The following NELL2 variants were observed in gnomAD, a reference collection of about 807,000 sequenced individuals.
NELL2 encodes the protein neural EGFL like 2.
Under a neutral mutation model 109.6 loss-of-function variants are expected in NELL2, and 41 were observed. That is an observed-to-expected ratio of 0.37 (90% CI 0.29 to 0.49). The LOEUF (loss-of-function observed/expected upper bound fraction) is 0.49. Ranked by LOEUF, NELL2 falls within the 20% of genes least tolerant of loss-of-function variation. The pLI is 0.98. For missense variants in NELL2, 900 were observed against 1,008.3 expected (o/e 0.89, Z 1.45); for synonymous variants, 355 against 344.7 (o/e 1.03, Z -0.33).
In NELL2 at chr12:44,798,859, T is replaced by C. The variant is rs370183258; in HGVS notation, c.335+17127A>G. The stretch of plus-strand genomic sequence containing the variant: ...ATTATAGCAAAGGCATTTTAATGCA[T>C]AGAGAAAAAAACAGCTGTTTAAAAA... On this transcript the variant is annotated intron_variant, in intron 3 of 19. Coordinates refer to ENST00000429094, the MANE Select transcript of NELL2 (RefSeq NM_001145108.2). 4.7e-5 allele frequency among the ~76,000 whole-genome samples: 7 copies of C among 148,242 alleles called. No individual in the cohort carries two copies. In the East Asian group the frequency reaches 9.9e-4, roughly 21 times the overall value.
At chr12:44,793,309 T>C (rs1346207471) in intron 3 of NELL2, among the ~76,000 whole-genome samples, 1 of 152,192 alleles carries the variant, frequency 6.6e-6, no homozygotes, top group African/African-American at 2.4e-5. Flanking sequence ...AGAGAGTCCC[T>C]TTTATCTTCT....
intron 1 of NELL2, among the ~76,000 whole-genome samples, chr12:44,900,743 C>G (rs957132278): frequency 6.6e-6 from 1 of 151,894 alleles, no homozygotes; most frequent in Non-Finnish European, 1.5e-5. Flanking sequence ...AGCTAGCAAA[C>G]ACTTTGGGAG....
intron 2 of NELL2, among the ~76,000 whole-genome samples, chr12:44,820,093 T>A (rs1212376703): frequency 6.6e-6 from 1 of 152,066 alleles, no homozygotes; most frequent in East Asian, 1.9e-4. Context: ...ATAGAGGAAG[T>A]TTAAGTCATG....
At chr12:44,904,073 A>T (rs1216093068) in intron 1 of NELL2, among the ~76,000 whole-genome samples, 1 of 151,994 alleles carries the variant, frequency 6.6e-6, no homozygotes, top group Non-Finnish European at 1.5e-5. Flanking sequence ...AAAAAAACTT[A>T]GAATCTTTAA....
At chr12:44,721,426 T>G (rs1347186174) in intron 9 of NELL2, among the ~76,000 whole-genome samples, 3 of 152,152 alleles carry the variant, frequency 2.0e-5, no homozygotes, top group Non-Finnish European at 4.4e-5. Context: ...TGGACACACA[T>G]GAAGAAAGGT....
At chr12:44,903,785 G>C (rs1276347412) in intron 1 of NELL2, among the ~76,000 whole-genome samples, 1 of 151,580 alleles carries the variant, frequency 6.6e-6, no homozygotes, top group Non-Finnish European at 1.5e-5. Flanking sequence ...AACTAACACA[G>C]GAACAGATAA....
chr12:44,841,311 A>G (rs1447560668), intron 2 of NELL2, among the ~76,000 whole-genome samples: 1 of 152,212 alleles, frequency 6.6e-6, no homozygotes, highest in African/African-American at 2.4e-5. Flanking sequence ...TATAGATTAA[A>G]TCCTTAAATA....
intron 13 of NELL2, among the ~76,000 whole-genome samples, chr12:44,634,074 A>C (rs1165049647): frequency 6.6e-6 from 1 of 152,192 alleles, no homozygotes; most frequent in Non-Finnish European, 1.5e-5. Flanking sequence ...GAACTACTTT[A>C]AGAAAATGTA....
intron 12 of NELL2, among the ~76,000 whole-genome samples, chr12:44,675,969 G>A (rs762162516): frequency 1.3e-5 from 2 of 152,086 alleles, no homozygotes; most frequent in African/African-American, 2.4e-5. Context: ...TACCTAGGAT[G>A]TCACTGGTGC....
At chr12:44,834,436 C>CT (rs36048159) in intron 2 of NELL2, among the ~76,000 whole-genome samples, 3,415 of 131,504 alleles carry the variant, frequency 0.026, 56 homozygotes, top group African/African-American at 0.043. Flanking sequence ...CACACGCATT[C>CT]TTTTTTTTTT....
intron 9 of NELL2, among the ~76,000 whole-genome samples, chr12:44,745,258 T>C (rs1396776646): frequency 6.6e-6 from 1 of 152,104 alleles, no homozygotes; most frequent in African/African-American, 2.4e-5. Context: ...ACAACCTTCA[T>C]GCTAAAAACT....
Position 44,703,801 on chromosome 12 carries a change from T to A in NELL2, c.1243A>T (p.Asn415Tyr). ...CTACAAACAGCCCTGTCATTCAGAT[T>A]TCTGCAGATGGAATTCTCCATGCAG... ...HNCMENSICR[N>Y]LNDRAVCSCR... The change falls in exon 12 of 20, where the codon AAT becomes TAT. Residue 415 changes from asparagine to tyrosine, a missense_variant. Transcript: ENST00000429094. 6.2e-7 allele frequency: 1 copy of A among 1,613,640 alleles called. No individual in the cohort carries two copies. The highest frequency in any genetic ancestry group is 8.5e-7 in the Non-Finnish European group (1 of 1,179,690).
intron 10 of NELL2, 76 bp downstream of exon 10, chr12:44,714,574 G>A: frequency 3.8e-6 from 3 of 797,784 alleles, no homozygotes; most frequent in South Asian, 3.7e-5. Context: ...GTATTTCAAG[G>A]TTGAGCTAGT....
intron 13 of NELL2, among the ~76,000 whole-genome samples, chr12:44,650,690 AG>A (rs1316517617): frequency 6.6e-6 from 1 of 152,114 alleles, no homozygotes; most frequent in Non-Finnish European, 1.5e-5. Context: ...TAAAGATATA[AG>A]GGTGGGGCGC....
At chr12:44,755,275 A>C (rs1182878827) in intron 9 of NELL2, among the ~76,000 whole-genome samples, 2 of 152,198 alleles carry the variant, frequency 1.3e-5, no homozygotes, top group African/African-American at 4.8e-5. Flanking sequence ...TGTACTTCAG[A>C]GTCAGAAGGT....
chr12:44,859,317 G>A (rs765989915), intron 2 of NELL2, among the ~76,000 whole-genome samples: 4 of 152,124 alleles, frequency 2.6e-5, no homozygotes, highest in Non-Finnish European at 4.4e-5. Context: ...CGAGGCAGGC[G>A]GATCACCTGA....
At chr12:44,671,086 A>C (rs1476394857) in intron 12 of NELL2, among the ~76,000 whole-genome samples, 1 of 152,216 alleles carries the variant, frequency 6.6e-6, no homozygotes, top group Non-Finnish European at 1.5e-5. Flanking sequence ...AACCATATCA[A>C]GTGTCTGCTC....
At chr12:44,785,861 CT>C (rs1942146182) in intron 3 of NELL2, among the ~76,000 whole-genome samples, 1 of 152,144 alleles carries the variant, frequency 6.6e-6, no homozygotes, top group East Asian at 1.9e-4. Context: ...TTCCTTACAC[CT>C]TATGCAAAAA....
chr12:44,631,788 TA>T (rs1946465359), intron 13 of NELL2, among the ~76,000 whole-genome samples: 1 of 152,146 alleles, frequency 6.6e-6, no homozygotes. Context: ...CACAGTCTTC[TA>T]AACAGTTGAA....
Sources: gnomAD v4.1 joint callset for allele counts (sites outside exome capture counted in the v4.1 genomes callset) on GRCh38, gnomAD v4.1.1 for gene constraint, MANE v1.5 for transcripts, NCBI Gene and HGNC (gene_info 2026-07-23, HGNC 2026-07-21) for gene names.